Variants in SLCO1A2 observed in about 807,000 individuals in gnomAD.
The protein encoded by SLCO1A2 is solute carrier organic anion transporter family member 1A2.
In SLCO1A2, 67 loss-of-function variants were observed where a neutral mutation model predicts 69.0. The ratio of observed to expected loss-of-function variants is 0.97; its 90% CI spans 0.80 to 1.19. SLCO1A2 has a LOEUF of 1.19. SLCO1A2 is among the 50% of genes most tolerant of loss of function. SLCO1A2 has a pLI of 0.00. For synonymous variants in SLCO1A2, 260 were observed against 265.9 expected, an observed-to-expected ratio of 0.98 and a Z score of 0.22; for missense variants, 787 against 793.7, an observed-to-expected ratio of 0.99 and a Z score of 0.10.
chr12:21,402,565 T>C (rs1941741188), intron 1 of SLCO1A2, among the ~76,000 whole-genome samples: 1 of 152,104 alleles, frequency 6.6e-6, no homozygotes, highest in Non-Finnish European at 1.5e-5. Flanking sequence ...CATATTGCAG[T>C]ACACAATGTT....
At chr12:21,335,478 A>C (rs1952852718), upstream of SLCO1A2, among the ~76,000 whole-genome samples, 1 of 152,040 alleles carries the variant, frequency 6.6e-6, no homozygotes, top group Admixed American at 6.6e-5. Flanking sequence ...ATTAAACTCA[A>C]ATAAATTCTA....
chr12:21,299,455 T>G (rs922389631), intron 8 of SLCO1A2, among the ~76,000 whole-genome samples: 12 of 152,042 alleles, frequency 7.9e-5, no homozygotes. Context: ...ATGTATCTTA[T>G]GATCATTTTT....
In SLCO1A2 at chr12:21,292,317, C is replaced by T; in HGVS notation, c.1457G>A (p.Cys486Tyr). The change falls in exon 12 of 15, where the codon TGT becomes TAT. Residue 486 changes from cysteine (C) to tyrosine (Y), a missense_variant. Cys to Tyr is a radical substitution (Grantham distance 194). Transcript: ENST00000683939. ...GINMVFQNCS[C>Y]IQTSGNSSAV... The stretch of plus-strand genomic sequence containing the variant: ...AGATGAATTTCCTGATGTTTGAATA[C>T]AGCTGCAATTTTGGAACACCTGCCA... The T allele has an allele frequency of 1.2e-6, 2 of 1,605,552 alleles. No homozygotes were observed. Among genetic ancestry groups the T allele is most frequent in the Non-Finnish European group, 8.5e-7 (1 of 1,176,844 alleles).
At position 21,352,764 on chromosome 12, in the gene SLCO1A2, T is replaced by C. The variant is rs2137017378; in HGVS notation, c.-62-18055A>G. The stretch of plus-strand genomic sequence containing the variant: ...GAAACATTAAACTAAAAAATGTTTT[T>C]TCCTTGTTGCTTTACATGTTTGTTT... On this transcript the variant is annotated intron_variant, in intron 2 of 15. Transcript: ENST00000307378. 2.6e-5 allele frequency among the ~76,000 whole-genome samples: 4 copies of C among 152,346 alleles called. 1 individual carries two copies. The highest frequency in any genetic ancestry group is 2.6e-4 in the Admixed American group (4 of 15,304).
Position 21,293,031 on chromosome 12 carries a change from G to A in SLCO1A2, c.1438-695C>T, listed in dbSNP as rs558304110. On this transcript the variant is annotated intron_variant, in intron 11 of 14. Transcript: ENST00000683939. ...AAGGAATAGTTTATTTCAGCAGGGC[G>A]CAGTGGCTTACGCCTGTAATCCCAG... Among the ~76,000 whole-genome samples the A allele has an allele frequency of 2.6e-4, 39 of 152,326 alleles. No homozygotes were observed. The East Asian group carries it at 3.3e-3, about 13-fold the overall frequency.
intron 2 of SLCO1A2, among the ~76,000 whole-genome samples, chr12:21,346,437 G>GA (rs2136997021): frequency 6.6e-6 from 1 of 151,238 alleles, no homozygotes; most frequent in African/African-American, 2.4e-5. Context: ...TTTGTGTTCA[G>GA]AAAAATGTCC....
At chr12:21,308,649 T>A (rs1015639774) in intron 4 of SLCO1A2, among the ~76,000 whole-genome samples, 2 of 152,124 alleles carry the variant, frequency 1.3e-5, no homozygotes, top group Non-Finnish European at 2.9e-5. Flanking sequence ...TATTAAACAG[T>A]GAGATTCCAA....
At chr12:21,291,556 GT>G (rs1402994637) in intron 12 of SLCO1A2, among the ~76,000 whole-genome samples, 1 of 152,152 alleles carries the variant, frequency 6.6e-6, no homozygotes, top group African/African-American at 2.4e-5. Context: ...GTTCAGGATT[GT>G]TTACTAGGCA....
chr12:21,336,931 A>G (rs1228849129), upstream of SLCO1A2, among the ~76,000 whole-genome samples: 1 of 152,024 alleles, frequency 6.6e-6, no homozygotes, highest in Non-Finnish European at 1.5e-5. Context: ...GTGGAGAATC[A>G]TGTTATTTCC....
intron 2 of SLCO1A2, among the ~76,000 whole-genome samples, chr12:21,342,063 A>T (rs778359021): frequency 1.4e-4 from 22 of 152,022 alleles, no homozygotes; most frequent in Non-Finnish European, 2.8e-4. Flanking sequence ...ATTTTAAATG[A>T]TCTATATTTG....
chr12:21,275,328 G>T (rs1331204286), intron 13 of SLCO1A2, 32 bp downstream of exon 13: 1 of 1,511,402 alleles, frequency 6.6e-7, no homozygotes, highest in Admixed American at 1.8e-5. Context: ...ATATTGTTCT[G>T]ATAGGATGTG....
intron 8 of SLCO1A2, among the ~76,000 whole-genome samples, chr12:21,299,703 T>C (rs1309915571): frequency 6.7e-6 from 1 of 149,900 alleles, no homozygotes; most frequent in Non-Finnish European, 1.5e-5. Context: ...GTTCATTTTG[T>C]TTCAATTCAA....
intron 8 of SLCO1A2, among the ~76,000 whole-genome samples, chr12:21,299,764 A>ATG (rs1491230154): frequency 0.036 from 4,637 of 128,806 alleles, 267 homozygotes; most frequent in African/African-American, 0.14. Flanking sequence ...CCATATATAT[A>ATG]CGTGTGTATA....
chr12:21,330,871 C>T (rs1474125536), intron 2 of SLCO1A2, among the ~76,000 whole-genome samples: 2 of 152,104 alleles, frequency 1.3e-5, no homozygotes, highest in Admixed American at 6.6e-5. Flanking sequence ...CTTATTACAA[C>T]TTACACAGAC....
At chr12:21,316,713 T>C (rs150434182) in intron 3 of SLCO1A2, among the ~76,000 whole-genome samples, 8 of 152,284 alleles carry the variant, frequency 5.3e-5, no homozygotes, top group African/African-American at 1.9e-4. Context: ...TCTTTGTCCA[T>C]TGTAATTATC....
chr12:21,361,096 G>T (rs1021100832), intron 2 of SLCO1A2, among the ~76,000 whole-genome samples: 1 of 152,184 alleles, frequency 6.6e-6, no homozygotes, highest in African/African-American at 2.4e-5. Flanking sequence ...CCTCAAGTGG[G>T]TCCCTGACCC....
At chr12:21,323,788 TG>T (rs1013522467) in intron 2 of SLCO1A2, among the ~76,000 whole-genome samples, 2 of 152,180 alleles carry the variant, frequency 1.3e-5, no homozygotes, top group African/African-American at 4.8e-5. Flanking sequence ...CAAAAAACTT[TG>T]TTTTACCAGC....
At position 21,274,557 on chromosome 12, in the gene SLCO1A2, C is replaced by T. The variant is rs200073343; in HGVS notation, c.1705G>A (p.Ala569Thr). 1.1e-4 allele frequency: 170 copies of T among 1,613,208 alleles called. No homozygotes were observed. Among genetic ancestry groups the T allele is most frequent in the South Asian group, 5.8e-4 (53 of 91,052 alleles). Residue 569 changes from alanine to threonine, a missense_variant, in exon 14 of 15, where the codon GCT becomes ACT. Physicochemically the swap from Ala to Thr is moderately conservative, Grantham distance 58. Transcript: ENST00000683939. ...AGIPAPIYFG[A>T]LMDSTCLHWG... ...TGTAAACATGTGGAATCCATTAAAGCGCCAAAATATATAGGTGCAGGAATG... is the reference window on the plus strand; with the variant it reads ...TGTAAACATGTGGAATCCATTAAAGTGCCAAAATATATAGGTGCAGGAATG...
chr12:21,409,269 T>C (rs1164541882), intron 1 of SLCO1A2, among the ~76,000 whole-genome samples: 8 of 152,168 alleles, frequency 5.3e-5, no homozygotes, highest in Non-Finnish European at 1.0e-4. Context: ...TCTCATCATA[T>C]TGGCAACATG....
Sources: allele counts gnomAD v4.1 joint callset (sites outside exome capture counted in the v4.1 genomes callset), GRCh38; gene constraint gnomAD v4.1.1; transcripts MANE v1.5; gene names NCBI Gene and HGNC (gene_info 2026-07-23, HGNC 2026-07-21).